CNTN5: variants seen among roughly 807,000 people sequenced by gnomAD.
CNTN5 encodes the protein contactin 5.
A neutral mutation model predicts 129.1 loss-of-function variants in CNTN5; 77 were observed. That is an observed-to-expected ratio of 0.60 (90% confidence interval 0.50 to 0.72). The LOEUF (loss-of-function observed/expected upper bound fraction) is 0.72, where lower values mean the gene tolerates loss of function less well. CNTN5 is among the 30% of genes least tolerant of loss of function. The pLI is 0.00. For missense variants in CNTN5, 1,478 were observed against 1,328.8 expected, an observed-to-expected ratio of 1.11 and a Z score of -1.75; for synonymous variants, 509 against 465.6, an observed-to-expected ratio of 1.09 and a Z score of -1.20.
intron 3 of CNTN5, among the ~76,000 whole-genome samples, chr11:99,817,751 C>T (rs1946641092): frequency 6.6e-6 from 1 of 152,082 alleles, no homozygotes; most frequent in Non-Finnish European, 1.5e-5. Flanking sequence ...TACCTTACAC[C>T]TCTAGGTGCC....
chr11:99,252,752 G>C (rs1010638829), intron 1 of CNTN5, among the ~76,000 whole-genome samples: 1 of 151,964 alleles, frequency 6.6e-6, no homozygotes, highest in Non-Finnish European at 1.5e-5. Context: ...TCTGTGAAAA[G>C]CCAGTTAAAG....
At chr11:99,356,194 C>T (rs1039906075) in intron 2 of CNTN5, among the ~76,000 whole-genome samples, 5 of 152,076 alleles carry the variant, frequency 3.3e-5, no homozygotes, top group Non-Finnish European at 7.3e-5. Context: ...AACCACCCCC[C>T]CCCAACCAAG....
intron 1 of CNTN5, among the ~76,000 whole-genome samples, chr11:99,289,108 A>G (rs769724350): frequency 3.3e-5 from 5 of 151,880 alleles, no homozygotes; most frequent in Non-Finnish European, 7.4e-5. Flanking sequence ...ATAAACACTT[A>G]GAGTTAGTTT....
chr11:99,368,743 A>G (rs1313127994), intron 2 of CNTN5, among the ~76,000 whole-genome samples: 6 of 152,136 alleles, frequency 3.9e-5, no homozygotes, highest in Non-Finnish European at 7.3e-5. Flanking sequence ...TGGTTACTAA[A>G]TTTCTTACAT....
intron 2 of CNTN5, among the ~76,000 whole-genome samples, chr11:99,418,862 C>G (rs182570619): frequency 6.6e-6 from 1 of 152,068 alleles, no homozygotes; most frequent in African/African-American, 2.4e-5. Flanking sequence ...GTCATACAAG[C>G]CTTTTAATCA....
At chr11:99,327,261 G>A (rs1865824209) in intron 2 of CNTN5, among the ~76,000 whole-genome samples, 1 of 152,126 alleles carries the variant, frequency 6.6e-6, no homozygotes, top group Admixed American at 6.5e-5. Context: ...ATGGATGATG[G>A]ATAAGCAATT....
chr11:100,016,173 C>T (rs1940811091), intron 9 of CNTN5, among the ~76,000 whole-genome samples: 1 of 152,036 alleles, frequency 6.6e-6, no homozygotes, highest in African/African-American at 2.4e-5. Context: ...TTTGGAATAT[C>T]CCTCTCAGTG....
intron 3 of CNTN5, among the ~76,000 whole-genome samples, chr11:99,795,921 C>T (rs890269897): frequency 1.3e-5 from 2 of 152,222 alleles, no homozygotes; most frequent in Admixed American, 6.5e-5. Context: ...CAAAGTGCTT[C>T]ATCAGGCAGT....
chr11:99,989,314 A>T (rs1047563262), intron 8 of CNTN5, among the ~76,000 whole-genome samples: 2 of 152,078 alleles, frequency 1.3e-5, no homozygotes, highest in African/African-American at 4.8e-5. Flanking sequence ...CCATTCTTCC[A>T]TCATTACTGG....
intron 20 of CNTN5, 150 bp from the exon 21 acceptor site, chr11:100,308,209 T>TC (rs1951398511): frequency 1.6e-5 from 10 of 608,160 alleles, no homozygotes; most frequent in Non-Finnish European, 2.7e-5. Flanking sequence ...TCCAAAAGGA[T>TC]CACCTTTATA....
intron 1 of CNTN5, among the ~76,000 whole-genome samples, chr11:99,079,466 G>A (rs17132920): frequency 2.0e-5 from 3 of 152,238 alleles, no homozygotes; most frequent in African/African-American, 4.8e-5. Flanking sequence ...ATCAGTAAGC[G>A]CTGTCAAATA....
At chr11:99,257,981 G>T (rs1051238534) in intron 1 of CNTN5, among the ~76,000 whole-genome samples, 1 of 151,954 alleles carries the variant, frequency 6.6e-6, no homozygotes, top group Non-Finnish European at 1.5e-5. Flanking sequence ...GGGATAGAAG[G>T]GAAATTTAGT....
intron 2 of CNTN5, among the ~76,000 whole-genome samples, chr11:99,491,658 T>C (rs1946041445): frequency 6.6e-6 from 1 of 152,170 alleles, no homozygotes; most frequent in African/African-American, 2.4e-5. Flanking sequence ...CTGTTGCATA[T>C]TTCCTTGAGA....
At chr11:99,741,835 A>T (rs918928980) in intron 3 of CNTN5, among the ~76,000 whole-genome samples, 1 of 152,034 alleles carries the variant, frequency 6.6e-6, no homozygotes, top group African/African-American at 2.4e-5. Context: ...TCTTGCCGCT[A>T]TGTTTGGTGT....
At position 99,875,345 on chromosome 11, in the gene CNTN5, T is replaced by A. The variant is rs562161563; in HGVS notation, c.577+30083T>A. Reference sequence around the variant, plus strand: ...TTTTTATTTAGTTCATAGATTTGTTTGAATCTGTTTATCATAACTGGGAAG... The same window carrying A: ...TTTTTATTTAGTTCATAGATTTGTTAGAATCTGTTTATCATAACTGGGAAG... On this transcript the variant is annotated intron_variant, in intron 6 of 24. Coordinates refer to ENST00000524871, the MANE Select transcript of CNTN5 (RefSeq NM_014361.4). 8.1e-4 allele frequency among the ~76,000 whole-genome samples: 124 copies of A among 152,284 alleles called. 1 individual carries two copies. Among genetic ancestry groups the A allele is most frequent in the African/African-American group, 2.8e-3 (116 of 41,560 alleles).
intron 9 of CNTN5, among the ~76,000 whole-genome samples, chr11:100,036,083 G>A (rs2137643630): frequency 6.6e-6 from 1 of 152,232 alleles, no homozygotes; most frequent in Admixed American, 6.5e-5. Flanking sequence ...TTTTCTTCTA[G>A]GGTTTTTATG....
intron 6 of CNTN5, among the ~76,000 whole-genome samples, chr11:99,895,301 A>G (rs758993207): frequency 4.6e-5 from 7 of 152,210 alleles, no homozygotes; most frequent in Non-Finnish European, 8.8e-5. Context: ...GTTAGTTACC[A>G]TAGAAGAAGA....
chr11:99,360,413 G>C (rs1222383543), intron 2 of CNTN5, among the ~76,000 whole-genome samples: 1 of 152,208 alleles, frequency 6.6e-6, no homozygotes, highest in African/African-American at 2.4e-5. Context: ...GGAGTTCTCT[G>C]TTCGGCTCCA....
chr11:100,036,627 A>G (rs1419304941), intron 9 of CNTN5, among the ~76,000 whole-genome samples: 1 of 149,696 alleles, frequency 6.7e-6, no homozygotes, highest in African/African-American at 2.4e-5. Context: ...ATTTGTTTGT[A>G]TCCTCTTTTA....
Sources: gnomAD v4.1 joint callset for allele counts (sites outside exome capture counted in the v4.1 genomes callset) on GRCh38, gnomAD v4.1.1 for gene constraint, MANE v1.5 for transcripts, NCBI Gene and HGNC (gene_info 2026-07-23, HGNC 2026-07-21) for gene names.